Variants in PNPT1 observed in about 807,000 individuals in gnomAD.
The protein encoded by PNPT1 is polyribonucleotide nucleotidyltransferase 1, also known as polyribonucleotide nucleotidyltransferase 1, mitochondrial.
In PNPT1, 53 loss-of-function variants were observed where a neutral mutation model predicts 119.5. The ratio of observed to expected loss-of-function variants is 0.44; its 90% CI spans 0.36 to 0.56. The LOEUF is 0.56. Among genes scored for constraint, PNPT1 ranks in the 20% least tolerant of loss-of-function variants. PNPT1 has a pLI of 0.00. For synonymous variants in PNPT1, 357 were observed against 322.1 expected (o/e 1.11, Z -1.16); for missense variants, 948 against 938.5 (o/e 1.01, Z -0.13).
chr2:55,676,262 CAAAAAAAAAAAA>C (rs11400030), intron 8 of PNPT1, among the ~76,000 whole-genome samples: 5 of 82,842 alleles, frequency 6.0e-5, no homozygotes, highest in East Asian at 8.8e-4. Context: ...CCATCTCAAC[CAAAAAAAAAAAA>C]AAAAAAAAAA....
chr2:55,693,560 A>T, intron 1 of PNPT1, 103 bp downstream of exon 1: 5 of 1,501,096 alleles, frequency 3.3e-6, no homozygotes, highest in Non-Finnish European at 4.5e-6. Context: ...GGAGAGATTA[A>T]ATAGAGCTGG....
intron 15 of PNPT1, among the ~76,000 whole-genome samples, chr2:55,657,933 TAA>T (rs1696441957): frequency 9.0e-6 from 1 of 111,248 alleles, no homozygotes; most frequent in Non-Finnish European, 1.9e-5. Context: ...TGTATAGATT[TAA>T]AAAGACTTAA....
At chr2:55,640,000 C>T (rs1309921260) in intron 26 of PNPT1, among the ~76,000 whole-genome samples, 4 of 152,158 alleles carry the variant, frequency 2.6e-5, no homozygotes, top group Non-Finnish European at 1.5e-5. Flanking sequence ...AATCTTTATT[C>T]ACTGACTATA....
chr2:55,672,178 AT>A, intron 9 of PNPT1, 132 bp from the exon 10 acceptor site: 1 of 670,758 alleles, frequency 1.5e-6, no homozygotes, highest in Non-Finnish European at 2.5e-6. Flanking sequence ...AGAATTGAAA[AT>A]TTATATTGCT....
chr2:55,671,876 T>C, intron 10 of PNPT1, 119 bp downstream of exon 10: 2 of 727,846 alleles, frequency 2.7e-6, no homozygotes, highest in Non-Finnish European at 2.2e-6. Flanking sequence ...CTTTTGTTAG[T>C]TTTTCATTTA....
chr2:55,657,061 G>A (rs1237504193), intron 15 of PNPT1, among the ~76,000 whole-genome samples: 1 of 152,226 alleles, frequency 6.6e-6, no homozygotes, highest in African/African-American at 2.4e-5. Flanking sequence ...GGGCGCAGTG[G>A]CTCATGCCTG....
intron 11 of PNPT1, among the ~76,000 whole-genome samples, chr2:55,669,885 A>G (rs761690622): frequency 1.3e-5 from 2 of 151,410 alleles, no homozygotes; most frequent in Non-Finnish European, 2.9e-5. Context: ...CAGCCTCCCA[A>G]GTAGCTGGGA....
At chr2:55,644,384 CTAT>C (rs1695924171) in intron 23 of PNPT1, among the ~76,000 whole-genome samples, 2 of 152,232 alleles carry the variant, frequency 1.3e-5, no homozygotes, top group Admixed American at 1.3e-4. Context: ...AGATGTTCAA[CTAT>C]AAAATGTTGC....
rs1254314807 is a variant in PNPT1 at position 55,635,240 on chromosome 2, C to T, written c.*997G>A. 6.6e-6 allele frequency: 1 copy of T among 152,102 alleles called. No individual in the cohort carries two copies. Among genetic ancestry groups the T allele is most frequent in the African/African-American group, 2.4e-5 (1 of 41,432 alleles). 9.4% of individuals were successfully genotyped at this position (152,102 alleles called of 1,614,324 possible). ...AACCGAAAGTCATGATCCTTCAGCT[C>T]TTATACTAAGAACTTCCATACATTA... On this transcript the variant is annotated 3_prime_UTR_variant, in exon 28 of 28. Transcript: ENST00000447944.
intron 1 of PNPT1, among the ~76,000 whole-genome samples, chr2:55,690,785 T>C (rs1697572804): frequency 6.6e-6 from 1 of 152,132 alleles, no homozygotes; most frequent in African/African-American, 2.4e-5. Flanking sequence ...AAGCCTACAA[T>C]AAAATGGGTC....
Position 55,677,217 on chromosome 2 carries a change from T to G in PNPT1, c.679+2465A>C, listed in dbSNP as rs189757810. ...TTTATGCGCTCTAGAGTCTCATTCTTCCCTCCTGTGAGCAACAGGTGAGAA... is the reference window on the plus strand; with the variant it reads ...TTTATGCGCTCTAGAGTCTCATTCTGCCCTCCTGTGAGCAACAGGTGAGAA... On this transcript the variant is annotated intron_variant, in intron 8 of 27. Transcript: ENST00000447944. 2.2e-3 allele frequency among the ~76,000 whole-genome samples: 338 copies of G among 152,332 alleles called. 1 individual carries two copies. Among genetic ancestry groups the G allele is most frequent in the Non-Finnish European group, 2.4e-3 (164 of 68,030 alleles).
intron 26 of PNPT1, 49 bp downstream of exon 26, chr2:55,640,578 T>G (rs1330430760): frequency 7.1e-7 from 1 of 1,404,530 alleles, no homozygotes; most frequent in African/African-American, 1.4e-5. Context: ...TTCAATACAG[T>G]GTTTCAAGGC....
chr2:55,686,275 G>C (rs1252837550), intron 3 of PNPT1, 95 bp downstream of exon 3: 4 of 1,116,952 alleles, frequency 3.6e-6, no homozygotes, highest in Admixed American at 5.2e-5. Context: ...GTGCAAGTTT[G>C]TATTTTCCAC....
At chr2:55,659,315 A>G (rs1696489437) in intron 15 of PNPT1, among the ~76,000 whole-genome samples, 1 of 152,236 alleles carries the variant, frequency 6.6e-6, no homozygotes, top group Non-Finnish European at 1.5e-5. Context: ...CTGGTCCCTT[A>G]GGATTTGTTG....
chr2:55,664,347 A>C (rs1411449048), intron 13 of PNPT1, among the ~76,000 whole-genome samples: 2 of 152,182 alleles, frequency 1.3e-5, no homozygotes, highest in Admixed American at 1.3e-4. Context: ...TATGCCTGTA[A>C]TACCAGCACC....
At chr2:55,666,449 G>A (rs987562349) in intron 13 of PNPT1, among the ~76,000 whole-genome samples, 5 of 152,138 alleles carry the variant, frequency 3.3e-5, no homozygotes, top group Non-Finnish European at 7.4e-5. Context: ...TGGTTTCTCA[G>A]TTGCATACTT....
chr2:55,658,089 T>C (rs1696448255), intron 15 of PNPT1, among the ~76,000 whole-genome samples: 1 of 151,190 alleles, frequency 6.6e-6, no homozygotes, highest in Non-Finnish European at 1.5e-5. Context: ...ATCTAAAAAT[T>C]AGCGGGGTGT....
At chr2:55,680,298 T>G (rs1697204800) in intron 7 of PNPT1, among the ~76,000 whole-genome samples, 1 of 152,168 alleles carries the variant, frequency 6.6e-6, no homozygotes, top group South Asian at 2.1e-4. Context: ...GGGCCTGCTC[T>G]GCCTAGGACA....
chr2:55,681,786 G>A (rs540922896), intron 5 of PNPT1, among the ~76,000 whole-genome samples: 1 of 147,412 alleles, frequency 6.8e-6, no homozygotes, highest in East Asian at 2.0e-4. Flanking sequence ...AGAGGTTTCA[G>A]TGAGCTGAGA....
Sources: allele counts gnomAD v4.1 joint callset (sites outside exome capture counted in the v4.1 genomes callset), GRCh38; gene constraint gnomAD v4.1.1; transcripts MANE v1.5; gene names NCBI Gene and HGNC (gene_info 2026-07-23, HGNC 2026-07-21).